The following CACNB2 variants were observed in gnomAD, a reference collection of about 807,000 sequenced individuals.
CACNB2 encodes calcium voltage-gated channel auxiliary subunit beta 2, also known as voltage-dependent L-type calcium channel subunit beta-2.
In CACNB2, 42 loss-of-function variants were observed where a neutral mutation model predicts 73.3. The observed-to-expected ratio is 0.57, with a 90% CI of 0.45 to 0.74. The LOEUF (loss-of-function observed/expected upper bound fraction) is 0.74, where lower values mean the gene tolerates loss of function less well. Ranked by LOEUF, CACNB2 falls within the 30% of genes least tolerant of loss-of-function variation. CACNB2 has a pLI of 0.00. For synonymous variants in CACNB2, 348 were observed against 310.3 expected (o/e 1.12, Z -1.28); for missense variants, 940 against 853.0 (o/e 1.10, Z -1.27).
At chr10:18,394,067 G>A (rs148743928) in intron 2 of CACNB2, among the ~76,000 whole-genome samples, 1,703 of 152,068 alleles carry the variant, frequency 0.011, 18 homozygotes, top group Middle Eastern at 0.037. Context: ...TCAGCCTCCC[G>A]AGTAGCTGAG....
intron 1 of CACNB2, among the ~76,000 whole-genome samples, chr10:18,142,080 T>C (rs2030474388): frequency 6.6e-6 from 1 of 152,170 alleles, no homozygotes; most frequent in Non-Finnish European, 1.5e-5. Context: ...CTTGCTGTTG[T>C]TTTGATAGGT....
At chr10:18,247,593 T>G (rs1209960775) in intron 2 of CACNB2, among the ~76,000 whole-genome samples, 1 of 152,160 alleles carries the variant, frequency 6.6e-6, no homozygotes, top group Non-Finnish European at 1.5e-5. Context: ...GGCACATCTG[T>G]AGGTACTTTG....
At chr10:18,291,148 A>G (rs1267490999) in intron 2 of CACNB2, among the ~76,000 whole-genome samples, 1 of 152,210 alleles carries the variant, frequency 6.6e-6, no homozygotes, top group Non-Finnish European at 1.5e-5. Flanking sequence ...ACAGGTACTC[A>G]TTGTACCTGA....
chr10:18,177,598 A>C (rs1189268991), intron 2 of CACNB2, among the ~76,000 whole-genome samples: 1 of 151,968 alleles, frequency 6.6e-6, no homozygotes, highest in South Asian at 2.1e-4. Context: ...AAGAAGAAGA[A>C]GAAGAAAGAA....
rs71402148 is a variant in CACNB2 at position 18,150,855 on chromosome 10, C to CTTTTTTT, written c.121-9_121-3dup. ...AGGGTCTCATAATAATCTTATTTGT[C>CTTTTTTT]TTTTTTTTTTTTTTTTTTTTTTTTT... On this transcript the variant is annotated intron_variant, in intron 1 of 13. Coordinates refer to ENST00000324631, the MANE Select transcript of CACNB2 (RefSeq NM_201596.3). The CTTTTTTT allele has an allele frequency of 2.8e-3, 1,338 of 484,102 alleles. 103 individuals carry two copies. The highest frequency in any genetic ancestry group is 4.1e-3 in the South Asian group (148 of 36,540). The allele number at this position is 484,102 out of a possible 1,614,324, so 30.0% of individuals were successfully genotyped here. A position where few individuals can be genotyped will look rare whatever the true frequency, so the allele number is the denominator to read the frequency against.
intron 2 of CACNB2, among the ~76,000 whole-genome samples, chr10:18,195,833 C>A (rs1339672424): frequency 6.6e-6 from 1 of 152,236 alleles, no homozygotes; most frequent in Admixed American, 6.5e-5. Context: ...TGTGTAATGT[C>A]TATGAACTTG....
rs2053554663 is a variant in CACNB2, at chr10:18,536,212, A to G, written c.1302+16A>G. 2.7e-6 allele frequency: 3 copies of G among 1,093,090 alleles called. No individual in the cohort carries two copies. The highest frequency in any genetic ancestry group is 4.1e-6 in the Non-Finnish European group (3 of 723,180). 67.7% of individuals were successfully genotyped at this position (1,093,090 alleles called of 1,614,324 possible). A position where few individuals can be genotyped will look rare whatever the true frequency, so the allele number is the denominator to read the frequency against. On this transcript the variant is annotated intron_variant, in intron 12 of 13. Transcript: ENST00000324631. ...GTGTCCTCCAGTAAGTTATCTCTAT[A>G]TACAGCATAATCCAGTTACAGAGAT...
chr10:18,530,145 G>A (rs934203575), intron 10 of CACNB2, among the ~76,000 whole-genome samples: 1 of 152,098 alleles, frequency 6.6e-6, no homozygotes, highest in Admixed American at 6.6e-5. Flanking sequence ...TGACACATGG[G>A]AATTATGGGA....
Position 18,502,981 on chromosome 10 carries a change from G to A in CACNB2, c.593+2033G>A, listed in dbSNP as rs2050291140. Among the ~76,000 whole-genome samples, 3 of 151,938 alleles carry A rather than the reference G, an allele frequency of 2.0e-5. No individual in the cohort carries two copies. The South Asian group carries it at 6.2e-4, about 32-fold the overall frequency. On this transcript the variant is annotated intron_variant, in intron 5 of 13. Transcript: ENST00000324631. ...AAAAGTAAAAAAAGAAAAAAAAGTTGCCTGTAAAGATAACCCTCTTAGGAT... is the reference window on the plus strand; with the variant it reads ...AAAAGTAAAAAAAGAAAAAAAAGTTACCTGTAAAGATAACCCTCTTAGGAT...
intron 6 of CACNB2, among the ~76,000 whole-genome samples, chr10:18,511,154 G>A (rs1276068784): frequency 6.6e-6 from 1 of 152,174 alleles, no homozygotes; most frequent in African/African-American, 2.4e-5. Flanking sequence ...AGTATGCATA[G>A]ATGGGGCAAA....
chr10:18,459,414 G>A (rs559362858), intron 3 of CACNB2, among the ~76,000 whole-genome samples: 2 of 152,256 alleles, frequency 1.3e-5, no homozygotes, highest in African/African-American at 4.8e-5. Flanking sequence ...TTCTTTCAGA[G>A]TTTCATGGGG....
chr10:18,380,887 A>G (rs113097694), intron 2 of CACNB2, among the ~76,000 whole-genome samples: 33 of 152,278 alleles, frequency 2.2e-4, no homozygotes, highest in Middle Eastern at 3.4e-3. Flanking sequence ...ACTTTTAAAG[A>G]AAATGTGTAG....
At chr10:18,220,232 T>TATAGAGAGAGAGAG (rs1488872721) in intron 2 of CACNB2, among the ~76,000 whole-genome samples, 2 of 25,084 alleles carry the variant, frequency 8.0e-5, no homozygotes, top group African/African-American at 2.4e-4. Context: ...TATATATATA[T>TATAGAGAGAGAGAG]AGAGAGAGAG....
At chr10:18,378,804 C>T (rs978488801) in intron 2 of CACNB2, among the ~76,000 whole-genome samples, 2 of 152,140 alleles carry the variant, frequency 1.3e-5, no homozygotes, top group Non-Finnish European at 2.9e-5. Flanking sequence ...CAGCCATTCA[C>T]AGGTCAGGGG....
chr10:18,209,439 C>T (rs1466026635), intron 2 of CACNB2, among the ~76,000 whole-genome samples: 1 of 152,118 alleles, frequency 6.6e-6, no homozygotes, highest in Non-Finnish European at 1.5e-5. Flanking sequence ...TAAGGATGTG[C>T]TTTTCCAGAT....
At chr10:18,276,696 A>C (rs2038302540) in intron 2 of CACNB2, among the ~76,000 whole-genome samples, 2 of 152,080 alleles carry the variant, frequency 1.3e-5, no homozygotes, top group Admixed American at 1.3e-4. Context: ...ATCCTGCCGC[A>C]GCCTCCCAAG....
intron 2 of CACNB2, among the ~76,000 whole-genome samples, chr10:18,270,224 C>T (rs2037991306): frequency 6.6e-6 from 1 of 152,108 alleles, no homozygotes; most frequent in Non-Finnish European, 1.5e-5. Context: ...ATAAAACCAT[C>T]AGATCTCATA....
intron 2 of CACNB2, among the ~76,000 whole-genome samples, chr10:18,393,512 T>C (rs1564499648): frequency 6.6e-6 from 1 of 152,304 alleles, no homozygotes; most frequent in South Asian, 2.1e-4. Context: ...GTTCGTTTTT[T>C]AAAAAAATGA....
intron 2 of CACNB2, among the ~76,000 whole-genome samples, chr10:18,317,019 T>G (rs138688801): frequency 0.028 from 4,189 of 152,220 alleles, 67 homozygotes; most frequent in Middle Eastern, 0.041. Flanking sequence ...CTCTACCACC[T>G]TCACAATCCA....
Sources: gnomAD v4.1 joint callset for allele counts (sites outside exome capture counted in the v4.1 genomes callset) on GRCh38, gnomAD v4.1.1 for gene constraint, MANE v1.5 for transcripts, NCBI Gene and HGNC (gene_info 2026-07-23, HGNC 2026-07-21) for gene names.